The following SLC4A10 variants were observed in gnomAD, a reference collection of about 807,000 sequenced individuals.
SLC4A10 encodes the protein sodium-driven chloride bicarbonate exchanger.
Under a neutral mutation model 137.7 loss-of-function variants are expected in SLC4A10, and 42 were observed. The observed-to-expected ratio is 0.30, with a 90% CI of 0.24 to 0.39. SLC4A10 has a LOEUF of 0.39. SLC4A10 is among the 10% of genes least tolerant of loss of function. SLC4A10 has a pLI of 1.00. For missense variants in SLC4A10, 925 were observed against 1,355.0 expected, an observed-to-expected ratio of 0.68 and a Z score of 4.98; for synonymous variants, 474 against 464.1, an observed-to-expected ratio of 1.02 and a Z score of -0.27.
chr2:161,816,994 C>G (rs1463246989), intron 3 of SLC4A10, among the ~76,000 whole-genome samples: 2 of 152,124 alleles, frequency 1.3e-5, no homozygotes, highest in African/African-American at 4.8e-5. Flanking sequence ...GGTATATACC[C>G]AGTAATGGGA....
intron 1 of SLC4A10, among the ~76,000 whole-genome samples, chr2:161,686,967 C>T (rs1200921875): frequency 6.6e-6 from 1 of 150,834 alleles, no homozygotes; most frequent in Non-Finnish European, 1.5e-5. Flanking sequence ...ACTGCAACCT[C>T]CGCCTCCCGG....
chr2:161,807,644 A>T (rs2056131668), intron 3 of SLC4A10, among the ~76,000 whole-genome samples: 1 of 152,158 alleles, frequency 6.6e-6, no homozygotes, highest in South Asian at 2.1e-4. Context: ...CATTACTAGT[A>T]TTCCATTTGT....
chr2:161,730,386 A>G (rs2046693053), intron 1 of SLC4A10, among the ~76,000 whole-genome samples: 1 of 152,186 alleles, frequency 6.6e-6, no homozygotes, highest in Non-Finnish European at 1.5e-5. Context: ...TTGTCCATTC[A>G]TTTGTTCACT....
At position 161,975,725 on chromosome 2, in the gene SLC4A10, T is replaced by C. The variant is rs189115165; in HGVS notation, c.3228-1035T>C. ...TGACCTATCACCAATCAGGGTCATA[T>C]GAAAAGGCGGCATTTGAACAAAGAA... is the stretch of plus-strand genomic sequence containing the variant. On this transcript the variant is annotated intron_variant, in intron 24 of 26. Coordinates refer to ENST00000446997, the MANE Select transcript of SLC4A10 (RefSeq NM_001178015.2). Among the ~76,000 whole-genome samples the C allele has an allele frequency of 6.5e-3, 993 of 152,294 alleles. 6 individuals carry two copies. Among genetic ancestry groups the C allele is most frequent in the South Asian group, 0.013 (65 of 4,828 alleles).
intron 1 of SLC4A10, among the ~76,000 whole-genome samples, chr2:161,663,690 G>A (rs1393117821): frequency 2.0e-5 from 3 of 152,022 alleles, no homozygotes; most frequent in Non-Finnish European, 4.4e-5. Flanking sequence ...AGGACACTGT[G>A]AAATATGATT....
chr2:161,812,743 C>A (rs2056674206), intron 3 of SLC4A10, among the ~76,000 whole-genome samples: 1 of 151,842 alleles, frequency 6.6e-6, no homozygotes, highest in Admixed American at 6.6e-5. Context: ...GTATATGTAC[C>A]ACATTTTCTT....
chr2:161,885,309 G>C (rs1052574264), intron 10 of SLC4A10, among the ~76,000 whole-genome samples: 1 of 152,136 alleles, frequency 6.6e-6, no homozygotes, highest in African/African-American at 2.4e-5. Flanking sequence ...GCATTGGAGT[G>C]CATTATCAAA....
At chr2:161,854,317 C>T (rs2059983056) in intron 4 of SLC4A10, among the ~76,000 whole-genome samples, 1 of 152,048 alleles carries the variant, frequency 6.6e-6, no homozygotes, top group Non-Finnish European at 1.5e-5. Context: ...CATTTCAGTC[C>T]AAGAAGACAG....
intron 2 of SLC4A10, among the ~76,000 whole-genome samples, chr2:161,795,696 C>T (rs1394796888): frequency 2.6e-5 from 4 of 152,036 alleles, no homozygotes; most frequent in Non-Finnish European, 5.9e-5. Context: ...CGGAAAGTTA[C>T]TTTTTTGAAC....
intron 1 of SLC4A10, among the ~76,000 whole-genome samples, chr2:161,746,443 A>G (rs2048391856): frequency 6.6e-6 from 1 of 152,052 alleles, no homozygotes; most frequent in Admixed American, 6.6e-5. Context: ...CTTAGTCAAC[A>G]GGTCGTAAAT....
At chr2:161,978,231 A>G (rs1185441541) in intron 26 of SLC4A10, among the ~76,000 whole-genome samples, 2 of 151,666 alleles carry the variant, frequency 1.3e-5, no homozygotes, top group Non-Finnish European at 2.9e-5. Context: ...CTAAAAATAC[A>G]AAAAAATTAG....
intron 1 of SLC4A10, among the ~76,000 whole-genome samples, chr2:161,703,801 A>G (rs1221773108): frequency 6.6e-6 from 1 of 151,662 alleles, no homozygotes; most frequent in Non-Finnish European, 1.5e-5. Flanking sequence ...TAGGAAGGCA[A>G]AGTTGTTTTA....
intron 23 of SLC4A10, among the ~76,000 whole-genome samples, chr2:161,972,272 C>T (rs986496783): frequency 6.6e-6 from 1 of 152,154 alleles, no homozygotes; most frequent in East Asian, 1.9e-4. Flanking sequence ...CTCCATGTAC[C>T]TTAAGATAAC....
intron 10 of SLC4A10, among the ~76,000 whole-genome samples, chr2:161,888,199 T>G (rs866401957): frequency 6.6e-6 from 1 of 151,548 alleles, no homozygotes; most frequent in Non-Finnish European, 1.5e-5. Context: ...GGTTTTTCCA[T>G]GTAGTATAGT....
intron 15 of SLC4A10, among the ~76,000 whole-genome samples, chr2:161,937,314 T>C (rs909015280): frequency 1.3e-5 from 2 of 152,196 alleles, no homozygotes; most frequent in Non-Finnish European, 2.9e-5. Context: ...TATTTTAATA[T>C]GCAATATACT....
chr2:161,853,414 A>G (rs1174996187), intron 4 of SLC4A10, among the ~76,000 whole-genome samples: 1 of 152,156 alleles, frequency 6.6e-6, no homozygotes, highest in Non-Finnish European at 1.5e-5. Flanking sequence ...TGCCAATTAA[A>G]TACTCCAGTC....
At chr2:161,694,674 G>A (rs1006822720) in intron 1 of SLC4A10, among the ~76,000 whole-genome samples, 4 of 152,082 alleles carry the variant, frequency 2.6e-5, no homozygotes, top group African/African-American at 4.8e-5. Flanking sequence ...TTTGATTTAC[G>A]TTCTTTGAAG....
At chr2:161,963,027 G>A (rs1416422354) in intron 21 of SLC4A10, among the ~76,000 whole-genome samples, 1 of 152,128 alleles carries the variant, frequency 6.6e-6, no homozygotes, top group African/African-American at 2.4e-5. Flanking sequence ...GTGACTGACA[G>A]TGATTGAAAC....
At chr2:161,723,356 C>T (rs754321345) in intron 1 of SLC4A10, among the ~76,000 whole-genome samples, 17 of 152,154 alleles carry the variant, frequency 1.1e-4, no homozygotes, top group South Asian at 8.3e-4. Flanking sequence ...TCTCGCTCTC[C>T]GTGGGTCACG....
Sources: gnomAD v4.1 joint callset for allele counts (sites outside exome capture counted in the v4.1 genomes callset) on GRCh38, gnomAD v4.1.1 for gene constraint, MANE v1.5 for transcripts, NCBI Gene and HGNC (gene_info 2026-07-23, HGNC 2026-07-21) for gene names.